Variants in SUGCT observed in about 807,000 individuals in gnomAD.
The protein encoded by SUGCT is succinyl-CoA:glutarate-CoA transferase, also known as succinyl-CoA:glutarate CoA-transferase.
Under a neutral mutation model 55.0 loss-of-function variants are expected in SUGCT, and 41 were observed. That is an observed-to-expected ratio of 0.74 (90% CI 0.58 to 0.97). The LOEUF is 0.97. Among genes scored for constraint, SUGCT ranks in the 50% least tolerant of loss-of-function variants. The pLI is 0.00. For missense variants in SUGCT, 568 were observed against 547.8 expected (o/e 1.04, Z -0.37); for synonymous variants, 187 against 200.4 (o/e 0.93, Z 0.56).
chr7:40,957,489 G>A, the SUGCT span, among the ~76,000 whole-genome samples: 3 of 94,900 alleles, frequency 3.2e-5, no homozygotes, highest in Non-Finnish European at 6.1e-5. Context: ...CCATTTGCTT[G>A]GTAAATCTTC....
the SUGCT span, among the ~76,000 whole-genome samples, chr7:41,005,450 G>A: frequency 6.4e-3 from 973 of 152,262 alleles, 4 homozygotes; most frequent in Non-Finnish European, 9.8e-3. Flanking sequence ...CCCCAAGGAA[G>A]GAGAAGGGCC....
intron 12 of SUGCT, among the ~76,000 whole-genome samples, chr7:40,514,372 T>G (rs1793118032): frequency 6.6e-6 from 1 of 152,016 alleles, no homozygotes; most frequent in Non-Finnish European, 1.5e-5. Context: ...ACAATTTAAC[T>G]TACTATTTTA....
At chr7:40,972,270 A>G in the SUGCT span, among the ~76,000 whole-genome samples, 20 of 152,214 alleles carry the variant, frequency 1.3e-4, no homozygotes, top group Admixed American at 3.9e-4. Flanking sequence ...TCCTTAGAAG[A>G]CAGTTAATGT....
At chr7:40,229,518 CA>C (rs1181930322) in intron 6 of SUGCT, among the ~76,000 whole-genome samples, 76 of 110,246 alleles carry the variant, frequency 6.9e-4, no homozygotes, top group East Asian at 1.1e-3. Context: ...GACCCCGTCT[CA>C]AAAAAAAAAA....
intron 6 of SUGCT, among the ~76,000 whole-genome samples, chr7:40,201,438 A>G (rs918801570): frequency 6.6e-6 from 1 of 152,200 alleles, no homozygotes; most frequent in Non-Finnish European, 1.5e-5. Flanking sequence ...AGTCAAAACA[A>G]TTGAAAACTA....
In SUGCT at chr7:40,706,623, G is replaced by T. The variant is rs891579488; in HGVS notation, c.1090-42811G>T. Among the ~76,000 whole-genome samples the T allele has an allele frequency of 2.0e-5, 3 of 152,334 alleles. No homozygotes were observed. The East Asian group carries it at 5.8e-4, about 29-fold the overall frequency. On this transcript the variant is annotated intron_variant, in intron 12 of 13. Coordinates refer to ENST00000335693, the MANE Select transcript of SUGCT (RefSeq NM_001193313.2). ...AGTGGAAACATCTTCCTCTCTGGGT[G>T]ATGTTTCTCATGGCAGTGGCTTCTT...
chr7:40,348,806 G>A (rs184434158), intron 9 of SUGCT, among the ~76,000 whole-genome samples: 5 of 152,080 alleles, frequency 3.3e-5, no homozygotes, highest in Admixed American at 2.0e-4. Context: ...GAAATCCATC[G>A]TATTCTTGTC....
intron 12 of SUGCT, among the ~76,000 whole-genome samples, chr7:40,520,213 C>G (rs928676749): frequency 1.1e-4 from 17 of 152,202 alleles, no homozygotes; most frequent in African/African-American, 3.9e-4. Context: ...TAAAAGGACA[C>G]ATGGTATCCT....
At chr7:40,929,794 A>G in the SUGCT span, among the ~76,000 whole-genome samples, 2 of 152,056 alleles carry the variant, frequency 1.3e-5, no homozygotes, top group Admixed American at 1.3e-4. Flanking sequence ...AAATTTGTTT[A>G]AGTTCTTTGT....
At chr7:40,306,698 T>C (rs1203150347) in intron 8 of SUGCT, among the ~76,000 whole-genome samples, 1 of 152,224 alleles carries the variant, frequency 6.6e-6, no homozygotes. Context: ...AGACTTGCTA[T>C]CACAGGAATA....
the SUGCT span, among the ~76,000 whole-genome samples, chr7:40,898,405 C>A: frequency 6.9e-6 from 1 of 145,130 alleles, no homozygotes; most frequent in African/African-American, 2.6e-5. Context: ...AAACTCCGGA[C>A]ACATCATCTT....
the SUGCT span, among the ~76,000 whole-genome samples, chr7:40,988,016 G>T: frequency 6.6e-6 from 1 of 151,632 alleles, no homozygotes; most frequent in Non-Finnish European, 1.5e-5. Context: ...GTGGATCCAG[G>T]GAGTGGAATG....
intron 1 of SUGCT, among the ~76,000 whole-genome samples, chr7:40,180,393 C>T (rs1447763950): frequency 6.6e-6 from 1 of 151,948 alleles, no homozygotes; most frequent in Non-Finnish European, 1.5e-5. Context: ...GGTGGGATTA[C>T]AGGCGTGAGC....
intron 1 of SUGCT, among the ~76,000 whole-genome samples, chr7:40,148,021 AT>A (rs1451670617): frequency 6.6e-6 from 1 of 152,140 alleles, no homozygotes; most frequent in Non-Finnish European, 1.5e-5. Flanking sequence ...TTGTTCCCCT[AT>A]TGGCTAGGGT....
chr7:40,969,675 A>C, the SUGCT span, among the ~76,000 whole-genome samples: 1 of 152,098 alleles, frequency 6.6e-6, no homozygotes, highest in African/African-American at 2.4e-5. Context: ...TTGTATTTTA[A>C]ATAGAACTTA....
chr7:40,153,740 T>A, intron 1 of SUGCT: 1 of 464,538 alleles, frequency 2.2e-6, no homozygotes, highest in South Asian at 1.7e-5. Flanking sequence ...GCAAACAACA[T>A]CACATCTTTA....
the SUGCT span, among the ~76,000 whole-genome samples, chr7:40,992,447 C>T: frequency 6.6e-6 from 1 of 152,092 alleles, no homozygotes; most frequent in Admixed American, 6.6e-5. Context: ...GACTTCTTGT[C>T]CCATTTTGTG....
At chr7:40,882,307 G>C in the SUGCT span, among the ~76,000 whole-genome samples, 1 of 152,214 alleles carries the variant, frequency 6.6e-6, no homozygotes, top group African/African-American at 2.4e-5. Flanking sequence ...AAATGACCCA[G>C]TTGTTCTGTG....
the SUGCT span, among the ~76,000 whole-genome samples, chr7:41,009,208 T>TATA: frequency 9.7e-6 from 1 of 103,328 alleles, no homozygotes; most frequent in Admixed American, 1.1e-4. Context: ...TGTCTCTCTC[T>TATA]AAAAAAAAAA....
Sources: gnomAD v4.1 joint callset for allele counts (sites outside exome capture counted in the v4.1 genomes callset) on GRCh38, gnomAD v4.1.1 for gene constraint, MANE v1.5 for transcripts, NCBI Gene and HGNC (gene_info 2026-07-23, HGNC 2026-07-21) for gene names.